The following CHMP3 variants were observed in gnomAD, a reference collection of about 807,000 sequenced individuals.
The protein encoded by CHMP3 is 25.1 protein.
Under a neutral mutation model 27.4 loss-of-function variants are expected in CHMP3, and 8 were observed. The ratio of observed to expected loss-of-function variants is 0.29; its 90% CI spans 0.17 to 0.53. The LOEUF (loss-of-function observed/expected upper bound fraction) is 0.53. Among genes scored for constraint, CHMP3 ranks in the 20% least tolerant of loss-of-function variants. The pLI is 0.96. For missense variants in CHMP3, 208 were observed against 271.5 expected (o/e 0.77, Z 1.64); for synonymous variants, 86 against 85.5 (o/e 1.01, Z -0.03).
intron 1 of CHMP3, among the ~76,000 whole-genome samples, chr2:86,548,885 T>C (rs1021941966): frequency 7.4e-5 from 8 of 108,692 alleles, no homozygotes; most frequent in Non-Finnish European, 1.1e-4. Context: ...TCCCAGACGA[T>C]GGGCAGCCGG....
At chr2:86,554,409 T>C (rs1428025702) in intron 1 of CHMP3, among the ~76,000 whole-genome samples, 2 of 152,184 alleles carry the variant, frequency 1.3e-5, no homozygotes, top group African/African-American at 4.8e-5. Flanking sequence ...AAAGTCTTTA[T>C]GATAATATAC....
At chr2:86,539,269 C>T (rs1297838767) in intron 2 of CHMP3, among the ~76,000 whole-genome samples, 1 of 152,040 alleles carries the variant, frequency 6.6e-6, no homozygotes, top group Non-Finnish European at 1.5e-5. Flanking sequence ...TTGGTATCAC[C>T]ATCAAGTAGT....
chr2:86,539,524 GATC>G (rs1192553651), intron 2 of CHMP3, among the ~76,000 whole-genome samples: 2 of 152,078 alleles, frequency 1.3e-5, no homozygotes, highest in Admixed American at 6.6e-5. Flanking sequence ...TGGGCTTGAA[GATC>G]ATCATTTAAA....
At chr2:86,549,965 C>T (rs1019058609) in intron 1 of CHMP3, among the ~76,000 whole-genome samples, 1 of 152,166 alleles carries the variant, frequency 6.6e-6, no homozygotes, top group African/African-American at 2.4e-5. Flanking sequence ...TCCTCACTTC[C>T]CAGACGGGGT....
chr2:86,519,352 C>T, intron 3 of CHMP3, among the ~76,000 whole-genome samples: 1 of 105,190 alleles, frequency 9.5e-6, no homozygotes, highest in South Asian at 3.2e-4. Flanking sequence ...GCAACAAGAG[C>T]AAAACTTCAT....
Position 86,555,628 on chromosome 2 carries a change from G to A in CHMP3, c.45+7676C>T, listed in dbSNP as rs547393274. ...TGCTTCCTCCAGTGGATCTAGGGAA[G>A]AATCCATTTCTTGCCTTCCAACTTT... On this transcript the variant is annotated intron_variant, in intron 1 of 5. Transcript: ENST00000263856. 3.1e-3 allele frequency among the ~76,000 whole-genome samples: 472 copies of A among 152,326 alleles called. 2 individuals carry two copies. Among genetic ancestry groups the A allele is most frequent in the Admixed American group, 5.7e-3 (87 of 15,286 alleles).
chr2:86,507,389 T>C, intron 5 of CHMP3, 90 bp downstream of exon 5: 1 of 1,080,222 alleles, frequency 9.3e-7, no homozygotes, highest in Non-Finnish European at 1.4e-6. Flanking sequence ...AGGGAGTTAA[T>C]GCCTAAAGAA....
intron 1 of CHMP3, among the ~76,000 whole-genome samples, chr2:86,546,291 A>T (rs981487649): frequency 8.2e-6 from 1 of 122,360 alleles, no homozygotes; most frequent in African/African-American, 3.1e-5. Context: ...TGGGAGCCCA[A>T]GGCAGGGAGG....
At chr2:86,526,721 GGTTGCT>G (rs1675728236) in intron 3 of CHMP3, among the ~76,000 whole-genome samples, 1 of 151,618 alleles carries the variant, frequency 6.6e-6, no homozygotes, top group African/African-American at 2.4e-5. Flanking sequence ...ATTTTATTGT[GGTTGCT>G]GTTGTTTTGT....
intron 3 of CHMP3, among the ~76,000 whole-genome samples, chr2:86,518,380 G>A (rs1249330021): frequency 6.6e-6 from 1 of 151,930 alleles, no homozygotes; most frequent in East Asian, 1.9e-4. Context: ...AAAACCAAAA[G>A]GATGTCACAA....
At chr2:86,561,852 A>G (rs1250024431) in intron 1 of CHMP3, 1 of 152,192 alleles carries the variant, frequency 6.6e-6, no homozygotes, top group Non-Finnish European at 1.5e-5. Context: ...CAATAAAGCA[A>G]CCATTTCCCC....
intron 3 of CHMP3, among the ~76,000 whole-genome samples, chr2:86,518,166 G>A (rs1327573257): frequency 6.6e-6 from 1 of 152,020 alleles, no homozygotes; most frequent in Non-Finnish European, 1.5e-5. Flanking sequence ...CTCAGAGAAG[G>A]GATATTAAAA....
chr2:86,508,788 C>A (rs1446765289), intron 4 of CHMP3, among the ~76,000 whole-genome samples: 1 of 152,192 alleles, frequency 6.6e-6, no homozygotes, highest in Non-Finnish European at 1.5e-5. Context: ...TCTTCCCAAC[C>A]AAAATGAACA....
In CHMP3 at chr2:86,559,265, T is replaced by A. The variant is rs539303147; in HGVS notation, c.45+4039A>T. On this transcript the variant is annotated intron_variant, in intron 1 of 5. Transcript: ENST00000263856. ...GACATCAGAACTGTAGGTTCTCTACTCTCTGGACTCTGGGACTTCCATCAG... is the reference window on the plus strand; with the variant it reads ...GACATCAGAACTGTAGGTTCTCTACACTCTGGACTCTGGGACTTCCATCAG... 9.2e-5 allele frequency among the ~76,000 whole-genome samples: 14 copies of A among 152,328 alleles called. No homozygotes were observed. The East Asian group carries it at 2.7e-3, about 29-fold the overall frequency.
chr2:86,550,609 A>G (rs1676870075), intron 1 of CHMP3, among the ~76,000 whole-genome samples: 1 of 152,272 alleles, frequency 6.6e-6, no homozygotes, highest in Admixed American at 6.5e-5. Context: ...ATTCGTAATC[A>G]TATAAATGGT....
At chr2:86,561,733 T>A (rs1677378681) in intron 1 of CHMP3, 8 of 152,206 alleles carry the variant, frequency 5.3e-5, no homozygotes, top group Admixed American at 4.6e-4. Flanking sequence ...ATTACCCTAC[T>A]GAAGAGTGTA....
chr2:86,536,240 C>T (rs1233101003), intron 2 of CHMP3, among the ~76,000 whole-genome samples: 17 of 151,876 alleles, frequency 1.1e-4, no homozygotes, highest in African/African-American at 3.1e-4. Flanking sequence ...CCTCGTGATC[C>T]GCCCGCCTCG....
At chr2:86,532,347 T>C (rs893420107) in intron 2 of CHMP3, among the ~76,000 whole-genome samples, 4 of 152,116 alleles carry the variant, frequency 2.6e-5, no homozygotes, top group African/African-American at 9.7e-5. Flanking sequence ...TTTTGAAAAA[T>C]CTTTAGGGTA....
rs565950379 is a variant in CHMP3 at position 86,542,037 on chromosome 2, TTCTTTTGC to T, written c.106+207_106+214del. Among the ~76,000 whole-genome samples the T allele has an allele frequency of 1.0e-3, 152 of 152,308 alleles. 2 individuals are homozygous for T. Among genetic ancestry groups the T allele is most frequent in the African/African-American group, 3.6e-3 (148 of 41,578 alleles). The stretch of plus-strand genomic sequence containing the variant: ...CATTTCTTTATAAGTAGCAAGAGGT[TTCTTTTGC>T]TCTTCCAAAATATAAAGTTTCTTCT... On this transcript the variant is annotated intron_variant, in intron 2 of 5. Transcript: ENST00000263856.
Sources: gnomAD v4.1 joint callset for allele counts (sites outside exome capture counted in the v4.1 genomes callset) on GRCh38, gnomAD v4.1.1 for gene constraint, MANE v1.5 for transcripts, NCBI Gene and HGNC (gene_info 2026-07-23, HGNC 2026-07-21) for gene names.